Variants in C1QTNF7 observed in about 807,000 individuals in gnomAD.
C1QTNF7 encodes the protein complement C1q tumor necrosis factor-related protein 7.
Under a neutral mutation model 19.6 loss-of-function variants are expected in C1QTNF7, and 15 were observed. That is an observed-to-expected ratio of 0.76 (90% CI 0.51 to 1.18). The LOEUF (loss-of-function observed/expected upper bound fraction) is 1.18, where lower values mean the gene tolerates loss of function less well. C1QTNF7 is among the 50% of genes most tolerant of loss of function. The pLI, the probability that C1QTNF7 is intolerant of heterozygous loss-of-function variation, is 0.00. For missense variants in C1QTNF7, 324 were observed against 359.7 expected (o/e 0.90, Z 0.80); for synonymous variants, 142 against 137.5 (o/e 1.03, Z -0.23).
intron 1 of C1QTNF7, among the ~76,000 whole-genome samples, chr4:15,363,190 G>A (rs1281189098): frequency 6.6e-6 from 1 of 151,762 alleles, no homozygotes; most frequent in African/African-American, 2.4e-5. Context: ...TGCTTTGTCT[G>A]GTGTTACCAT....
chr4:15,418,287 T>G (rs564162563), intron 1 of C1QTNF7, among the ~76,000 whole-genome samples: 4 of 152,156 alleles, frequency 2.6e-5, no homozygotes, highest in African/African-American at 9.6e-5. Flanking sequence ...ACAACAAAGA[T>G]CATGTTCTCC....
intron 1 of C1QTNF7, among the ~76,000 whole-genome samples, chr4:15,384,432 C>T (rs1718257187): frequency 6.6e-6 from 1 of 151,918 alleles, no homozygotes; most frequent in African/African-American, 2.4e-5. Context: ...AAACCCTAAA[C>T]TATAATGACT....
upstream of C1QTNF7, among the ~76,000 whole-genome samples, chr4:15,425,899 C>G (rs1216110122): frequency 3.9e-5 from 6 of 152,040 alleles, no homozygotes; most frequent in African/African-American, 1.5e-4. Context: ...TTATACCTGC[C>G]AGCAAGTGCG....
chr4:15,389,461 C>T (rs1047260871), intron 1 of C1QTNF7, among the ~76,000 whole-genome samples: 1 of 152,040 alleles, frequency 6.6e-6, no homozygotes, highest in African/African-American at 2.4e-5. Flanking sequence ...CTCTTGTTGC[C>T]CAAGCTGGAG....
rs956422961 is a variant in C1QTNF7, at chr4:15,340,036, G to A, written c.-159G>A. 5.5e-5 allele frequency: 48 copies of A among 879,084 alleles called. No individual in the cohort carries two copies. The East Asian group carries it at 1.0e-3, about 19-fold the overall frequency. 54.5% of individuals were successfully genotyped at this position (879,084 alleles called of 1,614,324 possible). On this transcript the variant is annotated 5_prime_UTR_variant, in exon 1 of 3. Coordinates refer to the C1QTNF7 transcript ENST00000295297. ...TTCAAACGCATTCTCATGCTCAGACGAGCACTTTATTTTTCATCAAGTTAT... is the reference window on the plus strand; with the variant it reads ...TTCAAACGCATTCTCATGCTCAGACAAGCACTTTATTTTTCATCAAGTTAT...
At chr4:15,381,508 T>C (rs1332532397) in intron 1 of C1QTNF7, among the ~76,000 whole-genome samples, 1 of 151,614 alleles carries the variant, frequency 6.6e-6, no homozygotes, top group African/African-American at 2.4e-5. Context: ...CTGAAGTAGA[T>C]AAAATGGGAA....
intron 1 of C1QTNF7, among the ~76,000 whole-genome samples, chr4:15,368,794 G>C (rs570825764): frequency 2.6e-5 from 4 of 152,174 alleles, no homozygotes; most frequent in African/African-American, 4.8e-5. Context: ...ATAATCCTTT[G>C]GGTATATACC....
intron 1 of C1QTNF7, among the ~76,000 whole-genome samples, chr4:15,388,390 G>A (rs541419005): frequency 1.1e-3 from 168 of 152,266 alleles, no homozygotes; most frequent in African/African-American, 3.9e-3. Flanking sequence ...AGCCAAATAA[G>A]TTACAACATA....
chr4:15,360,694 G>A (rs1375542440), intron 1 of C1QTNF7, among the ~76,000 whole-genome samples: 1 of 152,208 alleles, frequency 6.6e-6, no homozygotes, highest in Non-Finnish European at 1.5e-5. Context: ...AAAGGAGAAA[G>A]TAGAACATTG....
intron 1 of C1QTNF7, among the ~76,000 whole-genome samples, chr4:15,354,782 G>T (rs531984962): frequency 5.9e-5 from 9 of 152,096 alleles, no homozygotes; most frequent in Non-Finnish European, 1.0e-4. Context: ...GAAAAAGTAA[G>T]ATTTTTTTTC....
At chr4:15,410,233 A>T (rs1009037716) in intron 1 of C1QTNF7, among the ~76,000 whole-genome samples, 3 of 152,014 alleles carry the variant, frequency 2.0e-5, no homozygotes, top group Admixed American at 2.0e-4. Context: ...TTTGCATTTA[A>T]TTTTTTTTCT....
At chr4:15,353,220 C>T (rs1265575377) in intron 1 of C1QTNF7, among the ~76,000 whole-genome samples, 1 of 152,102 alleles carries the variant, frequency 6.6e-6, no homozygotes, top group African/African-American at 2.4e-5. Flanking sequence ...AAGCCAGTGA[C>T]ATTTTGTGTT....
chr4:15,374,431 A>C (rs566511775), intron 1 of C1QTNF7: 3 of 393,400 alleles, frequency 7.6e-6, no homozygotes, highest in East Asian at 3.3e-4. Context: ...GCTATTTCCC[A>C]AATATGATTT....
At position 15,359,461 on chromosome 4, in the gene C1QTNF7, G is replaced by A. The variant is rs572666888; in HGVS notation, c.13+19254G>A. ...TTGATTCACACTACTTGGGTTTTGG[G>A]TGCCACAATTCTACCTTATGTAGAA... On this transcript the variant is annotated intron_variant, in intron 1 of 2. Transcript: ENST00000295297. Among the ~76,000 whole-genome samples the A allele has an allele frequency of 1.2e-4, 19 of 152,156 alleles. No homozygotes were observed. In the East Asian group the frequency reaches 3.3e-3, roughly 26 times the overall value.
At chr4:15,370,489 T>C (rs1717682024) in intron 1 of C1QTNF7, among the ~76,000 whole-genome samples, 1 of 152,210 alleles carries the variant, frequency 6.6e-6, no homozygotes, top group Non-Finnish European at 1.5e-5. Flanking sequence ...TACAAGTGAT[T>C]CTGGGAAATG....
At position 15,445,518 on chromosome 4, in the gene C1QTNF7, A is replaced by C. The variant is rs1352475516; in HGVS notation, c.*2719A>C. On this transcript the variant is annotated 3_prime_UTR_variant, in exon 3 of 3. Coordinates refer to ENST00000444304, the MANE Select transcript of C1QTNF7 (RefSeq NM_031911.5). ...TAGCTTTTAAAACTGAATTTCCTTT[A>C]ATTGGTTTGAAGCCTAGAGATGAAT... 2.0e-5 allele frequency: 3 copies of C among 152,198 alleles called. No individual in the cohort carries two copies. Among genetic ancestry groups the C allele is most frequent in the African/African-American group, 2.4e-5 (1 of 41,442 alleles). 9.4% of individuals were successfully genotyped at this position (152,198 alleles called of 1,614,324 possible).
chr4:15,412,697 T>C (rs1378048789), intron 1 of C1QTNF7, among the ~76,000 whole-genome samples: 2 of 152,168 alleles, frequency 1.3e-5, no homozygotes, highest in Non-Finnish European at 2.9e-5. Context: ...TAGACATCTC[T>C]GGGAGGCTAT....
chr4:15,409,653 G>A (rs948140199), intron 1 of C1QTNF7, among the ~76,000 whole-genome samples: 8 of 152,168 alleles, frequency 5.3e-5, no homozygotes, highest in Admixed American at 2.0e-4. Flanking sequence ...AGTCTAGTCA[G>A]GCTGAGCTCC....
intron 1 of C1QTNF7, among the ~76,000 whole-genome samples, chr4:15,402,843 A>T (rs1719046824): frequency 6.6e-6 from 1 of 152,234 alleles, no homozygotes; most frequent in Non-Finnish European, 1.5e-5. Flanking sequence ...TAGCATGCGT[A>T]GTATGAACTT....
Sources: gnomAD v4.1 joint callset for allele counts (sites outside exome capture counted in the v4.1 genomes callset) on GRCh38, gnomAD v4.1.1 for gene constraint, MANE v1.5 for transcripts, NCBI Gene and HGNC (gene_info 2026-07-23, HGNC 2026-07-21) for gene names.